The following PPARA variants were observed in gnomAD, a reference collection of about 807,000 sequenced individuals.
The protein encoded by PPARA is peroxisome proliferator-activated receptor alpha.
PPARA carries 22 observed loss-of-function variants against 42.2 expected under a neutral mutation model. The ratio of observed to expected loss-of-function variants is 0.52; its 90% CI spans 0.37 to 0.74. The LOEUF is 0.74. Ranked by LOEUF, PPARA falls within the 30% of genes least tolerant of loss-of-function variation. The pLI, the probability that PPARA is intolerant of heterozygous loss-of-function variation, is 0.00. For synonymous variants in PPARA, 242 were observed against 239.3 expected, an observed-to-expected ratio of 1.01 and a Z score of -0.10; for missense variants, 465 against 608.2, an observed-to-expected ratio of 0.76 and a Z score of 2.48.
Position 46,182,113 on chromosome 22 carries a change from T to G in PPARA, c.-43+5277T>G, listed in dbSNP as rs1407907566. On this transcript the variant is annotated intron_variant, in intron 3 of 8. Transcript: ENST00000407236. The surrounding 1 kb of genome is among the most constrained non-coding windows in gnomAD (Gnocchi z 5.2). ...TGCCTGCCTTGGCCTCCCAAAGTGC[T>G]GGGATTACAGGTGTGAACCACCATG... 1.3e-5 allele frequency among the ~76,000 whole-genome samples: 2 copies of G among 152,254 alleles called. No homozygotes were observed. The highest frequency in any genetic ancestry group is 2.9e-5 in the Non-Finnish European group (2 of 68,048).
chr22:46,189,301 G>C, intron 3 of PPARA, among the ~76,000 whole-genome samples: 1 of 152,218 alleles, frequency 6.6e-6, no homozygotes, highest in East Asian at 1.9e-4. Context: ...CATATAGTGT[G>C]AACTTTGTGT....
rs1315372393 is a variant in PPARA at position 46,218,387 on chromosome 22, G to A, written c.494G>A (p.Gly165Glu). ...YCRFHKCLSV[G>E]MSHNAIRFGR... ...CGATTTCACAAGTGCCTTTCTGTCG[G>A]GATGTCACACAACGGTAGGTAAGGT... Residue 165 changes from glycine to glutamate, a missense_variant, in exon 6 of 9, where the codon GGG becomes GAG. Physicochemically the swap from Gly to Glu is moderately conservative, Grantham distance 98 (BLOSUM62 -2). This residue lies in a region of PPARA where 313 missense variants were observed against 469.1 expected (regional missense o/e 0.67). Transcript: ENST00000407236. The A allele has an allele frequency of 6.2e-7, 1 of 1,613,968 alleles. No homozygotes were observed. Among genetic ancestry groups the A allele is most frequent in the Non-Finnish European group, 8.5e-7 (1 of 1,180,014 alleles).
rs1932967321 is a variant in PPARA at position 46,203,630 on chromosome 22, AG to A, written c.208+5041del. Among the ~76,000 whole-genome samples, 1 of 152,198 alleles carries A rather than the reference AG, an allele frequency of 6.6e-6. No homozygotes were observed. Among genetic ancestry groups the A allele is most frequent in the South Asian group, 2.1e-4 (1 of 4,832 alleles). On this transcript the variant is annotated intron_variant, in intron 4 of 8. Transcript: ENST00000407236. This position sits in a 1 kb window ranked among gnomAD's most constrained non-coding sequence, Gnocchi z 5.8. ...GTGAGGAGAGCAGTATTGGGCGAAAAGGAAAAAAGAAAAAAACTCTCAGCAA... is the reference window on the plus strand; with the variant it reads ...GTGAGGAGAGCAGTATTGGGCGAAAAGAAAAAAGAAAAAAACTCTCAGCAA...
In PPARA at chr22:46,235,264, G is replaced by A; in HGVS notation, c.1291G>A (p.Ala431Thr). The A allele has an allele frequency of 6.2e-7, 1 of 1,614,004 alleles. No homozygotes were observed. Among genetic ancestry groups the A allele is most frequent in the Non-Finnish European group, 8.5e-7 (1 of 1,180,036 alleles). The change falls in exon 9 of 9, where the codon GCA becomes ACA. Residue 431 changes from alanine to threonine, a missense_variant. Physicochemically the swap from Ala to Thr is moderately conservative, Grantham distance 58 (BLOSUM62 0). Coordinates refer to ENST00000407236, the MANE Select transcript of PPARA (RefSeq NM_005036.6). The surrounding 1 kb of genome is among the most constrained non-coding windows in gnomAD (Gnocchi z 7.0). ...CTTCCCAAAACTTCTTCAAAAAATG[G>A]CAGACCTCCGGCAGCTGGTGACGGA... Reference protein sequence around the residue: ...FLFPKLLQKMADLRQLVTEHA... With the variant: ...FLFPKLLQKMTDLRQLVTEHA...
rs4253735 is a variant in PPARA at position 46,215,129 on chromosome 22, A to G, written c.209-44A>G. On this transcript the variant is annotated intron_variant, in intron 4 of 8. Coordinates refer to ENST00000407236, the MANE Select transcript of PPARA (RefSeq NM_005036.6). ...CATAGACCCGGTTCAGACACAGGAT[A>G]GTGATGCCTGGACTATTCATCCGTC... 1.1e-3 allele frequency: 1,731 copies of G among 1,601,304 alleles called. 20 individuals carry two copies. In the African/African-American group the frequency reaches 0.02, roughly 19 times the overall value.
At chr22:46,172,352 C>G (rs955711716) in intron 2 of PPARA, among the ~76,000 whole-genome samples, 2 of 148,934 alleles carry the variant, frequency 1.3e-5, no homozygotes, top group Admixed American at 6.7e-5. Context: ...AGCATTGGGC[C>G]GGGCAGTGGC....
chr22:46,227,415 C>A lies in PPARA; in HGVS notation c.712-4377C>A, dbSNP rs1488439802. 6.6e-6 allele frequency among the ~76,000 whole-genome samples: 1 copy of A among 152,168 alleles called. No homozygotes were observed. The highest frequency in any genetic ancestry group is 1.5e-5 in the Non-Finnish European group (1 of 68,042). On this transcript the variant is annotated intron_variant, in intron 7 of 8. Coordinates refer to ENST00000407236, the MANE Select transcript of PPARA (RefSeq NM_005036.6). The surrounding 1 kb of genome is among the most constrained non-coding windows in gnomAD (Gnocchi z 4.3). ...TACAGGTGCCAGCCACCACACCCGA[C>A]TAATTTTTGTATTTTTAGTAGACAC...
At chr22:46,206,262 C>G (rs1015623438) in intron 4 of PPARA, among the ~76,000 whole-genome samples, 1 of 141,440 alleles carries the variant, frequency 7.1e-6, no homozygotes, top group African/African-American at 3.0e-5. Context: ...CCACCACGCC[C>G]GGCTAATTTG....
chr22:46,174,443 A>G (rs1188978802), intron 2 of PPARA, among the ~76,000 whole-genome samples: 1 of 152,092 alleles, frequency 6.6e-6, no homozygotes, highest in African/African-American at 2.4e-5. Context: ...TCTATGTTAT[A>G]TATCCTAGCT....
In PPARA at chr22:46,230,647, C is replaced by G. The variant is rs1016683541; in HGVS notation, c.712-1145C>G. ...AATGGCAGGCCACTGGGTTTACATG[C>G]AGATGGCATGGGAGCACACAAGGCA... On this transcript the variant is annotated intron_variant, in intron 7 of 8. Transcript: ENST00000407236. This position sits in a 1 kb window ranked among gnomAD's most constrained non-coding sequence, Gnocchi z 5.0. 4.6e-5 allele frequency among the ~76,000 whole-genome samples: 7 copies of G among 152,196 alleles called. No homozygotes were observed. Among genetic ancestry groups the G allele is most frequent in the African/African-American group, 1.7e-4 (7 of 41,466 alleles).
At chr22:46,210,712 A>T (rs1020937615) in intron 4 of PPARA, among the ~76,000 whole-genome samples, 1 of 152,082 alleles carries the variant, frequency 6.6e-6, no homozygotes, top group African/African-American at 2.4e-5. Flanking sequence ...CCAAAGTGCT[A>T]GGATTACAGG....
chr22:46,218,178 T>G, intron 5 of PPARA, 85 bp from the exon 6 acceptor site: 2 of 1,532,912 alleles, frequency 1.3e-6, no homozygotes, highest in Non-Finnish European at 1.8e-6. Context: ...AAACAATAAA[T>G]GAGCAACAAA....
intron 3 of PPARA, among the ~76,000 whole-genome samples, chr22:46,178,157 T>G (rs544382828): frequency 1.3e-5 from 2 of 152,360 alleles, no homozygotes; most frequent in South Asian, 4.1e-4. Flanking sequence ...ACAGTTTATC[T>G]ACTTTGAAAT....
rs533975436 is a variant in PPARA, at chr22:46,240,220, G to T, written c.*4840G>T. 4.3e-4 allele frequency: 171 copies of T among 398,580 alleles called. 2 individuals carry two copies. The highest frequency in any genetic ancestry group is 1.2e-3 in the Admixed American group (27 of 22,714). 24.7% of individuals were successfully genotyped at this position (398,580 alleles called of 1,614,324 possible). ...TGGCTCTGGGCAGCTTTCAAAGCAG[G>T]TTCCTGTGGTCTCCTCAGCTGTTTG... is the stretch of plus-strand genomic sequence containing the variant. On this transcript the variant is annotated 3_prime_UTR_variant, in exon 9 of 9. Coordinates refer to ENST00000407236, the MANE Select transcript of PPARA (RefSeq NM_005036.6). The surrounding 1 kb of genome is among the most constrained non-coding windows in gnomAD (Gnocchi z 6.0).
Position 46,195,091 on chromosome 22 carries a change from C to T in PPARA, c.-42-3251C>T, listed in dbSNP as rs1050155162. The stretch of plus-strand genomic sequence containing the variant: ...CTAATTTTTGTATTTTTAGTAGAGA[C>T]GGGGTTTCACCCTGTTGGCCAGGCT... On this transcript the variant is annotated intron_variant, in intron 3 of 8. Transcript: ENST00000407236. This position sits in a 1 kb window ranked among gnomAD's most constrained non-coding sequence, Gnocchi z 4.6. Among the ~76,000 whole-genome samples, 7 of 150,298 alleles carry T rather than the reference C, an allele frequency of 4.7e-5. No homozygotes were observed. The highest frequency in any genetic ancestry group is 7.4e-5 in the Non-Finnish European group (5 of 67,736).
chr22:46,233,687 TGA>T lies in PPARA; in HGVS notation c.1160-1445_1160-1444del, dbSNP rs1274382242. ...GTTGCAGAACTATTTATATGTAGCATGATCACAGTTTTATAAAGGAAATTATA... is the reference window on the plus strand; with the variant it reads ...GTTGCAGAACTATTTATATGTAGCATTCACAGTTTTATAAAGGAAATTATA... On this transcript the variant is annotated intron_variant, in intron 8 of 8. Coordinates refer to ENST00000407236, the MANE Select transcript of PPARA (RefSeq NM_005036.6). The surrounding 1 kb of genome is among the most constrained non-coding windows in gnomAD (Gnocchi z 7.3). 6.6e-6 allele frequency among the ~76,000 whole-genome samples: 1 copy of T among 152,258 alleles called. No individual in the cohort carries two copies. Among genetic ancestry groups the T allele is most frequent in the Non-Finnish European group, 1.5e-5 (1 of 68,054 alleles).
intron 4 of PPARA, among the ~76,000 whole-genome samples, chr22:46,214,928 G>A (rs1054142391): frequency 3.3e-5 from 5 of 152,180 alleles, no homozygotes; most frequent in East Asian, 1.9e-4. Context: ...GTGTGGGTCC[G>A]GAGCTCGGGG....
chr22:46,238,769 C>A lies in PPARA; in HGVS notation c.*3389C>A, dbSNP rs1355114349. 2 of 152,600 alleles carry A rather than the reference C, an allele frequency of 1.3e-5. No individual in the cohort carries two copies. The highest frequency in any genetic ancestry group is 2.9e-5 in the Non-Finnish European group (2 of 68,352). 9.5% of individuals were successfully genotyped at this position (152,600 alleles called of 1,614,324 possible). A position where few individuals can be genotyped will look rare whatever the true frequency, so the allele number is the denominator to read the frequency against. On this transcript the variant is annotated 3_prime_UTR_variant, in exon 9 of 9. Transcript: ENST00000407236. The surrounding 1 kb of genome is among the most constrained non-coding windows in gnomAD (Gnocchi z 8.3). ...CCTCCTCTCCCACCTCCTGGCACTTCCAGCTGGGTGTCCCACATGTTGGAT... is the reference window on the plus strand; with the variant it reads ...CCTCCTCTCCCACCTCCTGGCACTTACAGCTGGGTGTCCCACATGTTGGAT...
At chr22:46,189,351 T>C (rs1157997609) in intron 3 of PPARA, among the ~76,000 whole-genome samples, 1 of 152,232 alleles carries the variant, frequency 6.6e-6, no homozygotes, top group Non-Finnish European at 1.5e-5. Context: ...GCTGGGAACA[T>C]TCTTTTTGCA....
Sources: allele counts gnomAD v4.1 joint callset (sites outside exome capture counted in the v4.1 genomes callset), GRCh38; gene constraint gnomAD v4.1.1; regional missense constraint gnomAD v4.1.1; non-coding constraint Gnocchi (gnomAD v3.1); transcripts MANE v1.5; gene names NCBI Gene and HGNC (gene_info 2026-07-23, HGNC 2026-07-21).